ADARB2: variants seen among roughly 807,000 people sequenced by gnomAD.
The protein encoded by ADARB2 is adenosine deaminase RNA specific B2 (inactive).
Under a neutral mutation model 62.2 loss-of-function variants are expected in ADARB2, and 25 were observed. The ratio of observed to expected loss-of-function variants is 0.40; its 90% confidence interval spans 0.29 to 0.56. The LOEUF (loss-of-function observed/expected upper bound fraction) is 0.56, where lower values mean the gene tolerates loss of function less well. ADARB2 is among the 20% of genes least tolerant of loss of function. The pLI is 0.43. For synonymous variants in ADARB2, 572 were observed against 500.8 expected, an observed-to-expected ratio of 1.14 and a Z score of -1.90; for missense variants, 1,071 against 1,077.4, an observed-to-expected ratio of 0.99 and a Z score of 0.08.
chr10:1,277,967 CTCTT>C (rs941944357), intron 3 of ADARB2, among the ~76,000 whole-genome samples: 27 of 80,226 alleles, frequency 3.4e-4, no homozygotes, highest in South Asian at 9.1e-4. Context: ...CTTTCTCTCT[CTCTT>C]TCTTTTTTTC....
At chr10:1,350,378 C>T (rs941312448) in intron 3 of ADARB2, among the ~76,000 whole-genome samples, 12 of 152,170 alleles carry the variant, frequency 7.9e-5, no homozygotes, top group African/African-American at 2.7e-4. Context: ...GACCCCTCCG[C>T]TCCTCCCCAG....
chr10:1,697,742 C>G (rs1252470604), intron 1 of ADARB2, among the ~76,000 whole-genome samples: 1 of 152,174 alleles, frequency 6.6e-6, no homozygotes, highest in African/African-American at 2.4e-5. Context: ...AAGCCCGGAA[C>G]CAGTTGGGGC....
At chr10:1,662,673 G>A (rs17156726) in intron 1 of ADARB2, among the ~76,000 whole-genome samples, 43,735 of 152,112 alleles carry the variant, frequency 0.29, 7,480 homozygotes, top group East Asian at 0.41. Context: ...ACGGCCCCTC[G>A]AAACCCATGG....
intron 1 of ADARB2, among the ~76,000 whole-genome samples, chr10:1,610,158 C>T (rs1217310846): frequency 2.0e-5 from 3 of 152,188 alleles, no homozygotes; most frequent in African/African-American, 7.2e-5. Context: ...TCCTAGGCCC[C>T]CTCCAGCCTG....
intron 8 of ADARB2, 71 bp from the exon 9 acceptor site, chr10:1,185,110 G>T (rs1026703067): frequency 1.6e-5 from 25 of 1,521,402 alleles, no homozygotes; most frequent in Middle Eastern, 2.4e-4. Context: ...AAGGGCAGCT[G>T]CGGGGAAATG....
intron 1 of ADARB2, among the ~76,000 whole-genome samples, chr10:1,506,143 T>A (rs1831844075): frequency 6.6e-6 from 1 of 152,112 alleles, no homozygotes; most frequent in Non-Finnish European, 1.5e-5. Context: ...CTGTCTGTCA[T>A]GACGGTCCTT....
At chr10:1,568,146 C>T (rs538659416) in intron 1 of ADARB2, among the ~76,000 whole-genome samples, 23 of 152,352 alleles carry the variant, frequency 1.5e-4, no homozygotes, top group African/African-American at 4.1e-4. Context: ...AGTGTCACCT[C>T]GCAGGGCCTG....
chr10:1,537,469 C>T (rs1252920410), intron 1 of ADARB2, among the ~76,000 whole-genome samples: 1 of 152,192 alleles, frequency 6.6e-6, no homozygotes, highest in Admixed American at 6.6e-5. Flanking sequence ...TGGGTATATA[C>T]CCAAAGGATT....
intron 6 of ADARB2, among the ~76,000 whole-genome samples, chr10:1,224,903 G>T (rs1252052668): frequency 2.6e-5 from 4 of 152,204 alleles, no homozygotes; most frequent in African/African-American, 9.6e-5. Flanking sequence ...TTGATTTGGG[G>T]TGGAGAGTTC....
chr10:1,266,610 A>G (rs1831206534), intron 4 of ADARB2, among the ~76,000 whole-genome samples: 1 of 152,136 alleles, frequency 6.6e-6, no homozygotes. Flanking sequence ...TGGGAGAAGG[A>G]CCAGCCGGCC....
At chr10:1,487,482 C>G (rs1042472964) in intron 1 of ADARB2, among the ~76,000 whole-genome samples, 3 of 152,174 alleles carry the variant, frequency 2.0e-5, no homozygotes, top group African/African-American at 7.2e-5. Flanking sequence ...ACCCTGTGGG[C>G]TCACCCATGC....
intron 2 of ADARB2, among the ~76,000 whole-genome samples, chr10:1,372,805 G>T (rs1312376464): frequency 6.6e-6 from 1 of 152,116 alleles, no homozygotes; most frequent in Non-Finnish European, 1.5e-5. Flanking sequence ...GGTCATAATT[G>T]CATACTCATA....
At chr10:1,345,582 G>A (rs1455603017) in intron 3 of ADARB2, among the ~76,000 whole-genome samples, 1 of 152,176 alleles carries the variant, frequency 6.6e-6, no homozygotes, top group African/African-American at 2.4e-5. Flanking sequence ...CGGCTCTGCT[G>A]GTGACCTGGA....
chr10:1,652,502 AG>A (rs1246649821), intron 1 of ADARB2, among the ~76,000 whole-genome samples: 1 of 152,166 alleles, frequency 6.6e-6, no homozygotes, highest in Non-Finnish European at 1.5e-5. Flanking sequence ...ATCTGCTCTT[AG>A]GGGAGGAAGA....
intron 1 of ADARB2, among the ~76,000 whole-genome samples, chr10:1,545,047 CTT>C (rs1832499764): frequency 1.3e-5 from 2 of 150,914 alleles, no homozygotes; most frequent in South Asian, 2.1e-4. Flanking sequence ...GGTGAACTGA[CTT>C]TTGCTGAGCA....
chr10:1,200,226 G>T (rs768302063), intron 7 of ADARB2, 79 bp from the exon 8 acceptor site: 27 of 1,531,500 alleles, frequency 1.8e-5, no homozygotes, highest in Non-Finnish European at 2.2e-5. Flanking sequence ...TCTGCGGCCT[G>T]GTCCTGAGGA....
At chr10:1,736,346 C>T (rs1164979000) in intron 1 of ADARB2, among the ~76,000 whole-genome samples, 3 of 152,194 alleles carry the variant, frequency 2.0e-5, no homozygotes, top group Admixed American at 6.5e-5. Flanking sequence ...GCGGCCCAGC[C>T]CCAGGAATAT....
At chr10:1,599,819 C>A (rs1422618623) in intron 1 of ADARB2, among the ~76,000 whole-genome samples, 2 of 152,152 alleles carry the variant, frequency 1.3e-5, no homozygotes, top group Non-Finnish European at 2.9e-5. Context: ...TATCACAGCT[C>A]ACTGGAACCT....
intron 1 of ADARB2, among the ~76,000 whole-genome samples, chr10:1,585,723 G>A (rs1454966981): frequency 1.3e-5 from 2 of 152,198 alleles, no homozygotes; most frequent in Non-Finnish European, 2.9e-5. Context: ...GATGTCTCAG[G>A]TCTCCCTGAA....
Sources: gnomAD v4.1 joint callset for allele counts (sites outside exome capture counted in the v4.1 genomes callset) on GRCh38, gnomAD v4.1.1 for gene constraint, MANE v1.5 for transcripts, NCBI Gene and HGNC (gene_info 2026-07-23, HGNC 2026-07-21) for gene names.